INPP4B: variants seen among roughly 807,000 people sequenced by gnomAD.
INPP4B encodes inositol polyphosphate 4-phosphatase type II.
A neutral mutation model predicts 122.5 loss-of-function variants in INPP4B; 55 were observed. The ratio of observed to expected loss-of-function variants is 0.45; its 90% CI spans 0.36 to 0.56. INPP4B has a LOEUF of 0.56. Ranked by LOEUF, INPP4B falls within the 20% of genes least tolerant of loss-of-function variation. The probability of loss-of-function intolerance (pLI) is 0.00; values close to 1 mark genes in which losing one functional copy is unlikely to be tolerated. For synonymous variants in INPP4B, 403 were observed against 388.7 expected, an observed-to-expected ratio of 1.04 and a Z score of -0.43; for missense variants, 1,000 against 1,097.7, an observed-to-expected ratio of 0.91 and a Z score of 1.26.
At chr4:142,758,012 C>G (rs554686907) in intron 1 of INPP4B, among the ~76,000 whole-genome samples, 263 of 152,272 alleles carry the variant, frequency 1.7e-3, no homozygotes, top group Non-Finnish European at 2.1e-3. Flanking sequence ...AGGCAACAGG[C>G]AGTGACACTG....
intron 1 of INPP4B, among the ~76,000 whole-genome samples, chr4:142,760,633 T>C (rs1238949455): frequency 6.6e-6 from 1 of 152,074 alleles, no homozygotes; most frequent in Non-Finnish European, 1.5e-5. Flanking sequence ...TGAGAACAGC[T>C]AATTGAAAAA....
intron 8 of INPP4B, among the ~76,000 whole-genome samples, chr4:142,311,233 A>G (rs1765405551): frequency 6.6e-6 from 1 of 152,292 alleles, no homozygotes. Flanking sequence ...GGTGGTCAAC[A>G]TGTGTTAACT....
chr4:142,672,492 C>A (rs1019853871), intron 2 of INPP4B, among the ~76,000 whole-genome samples: 3 of 152,070 alleles, frequency 2.0e-5, no homozygotes, highest in African/African-American at 7.2e-5. Flanking sequence ...TTTCAATTTG[C>A]TTTTCTTTAA....
intron 25 of INPP4B, among the ~76,000 whole-genome samples, chr4:142,063,644 T>C (rs1762095747): frequency 1.3e-5 from 2 of 152,138 alleles, no homozygotes; most frequent in South Asian, 4.1e-4. Flanking sequence ...TAAAAATATA[T>C]ACACATAAAT....
intron 2 of INPP4B, among the ~76,000 whole-genome samples, chr4:142,641,330 T>C (rs994941609): frequency 3.3e-5 from 5 of 152,148 alleles, no homozygotes; most frequent in African/African-American, 1.2e-4. Flanking sequence ...GCAGGTTTGT[T>C]ACACATATAT....
chr4:142,263,979 G>C (rs1741554644), intron 10 of INPP4B, among the ~76,000 whole-genome samples: 1 of 151,964 alleles, frequency 6.6e-6, no homozygotes, highest in South Asian at 2.1e-4. Context: ...ATAGGAGCTG[G>C]GGAGGAGGTC....
chr4:142,710,528 A>G lies in INPP4B; in HGVS notation c.-191+15311T>C, dbSNP rs372241554. ...TAAAATGTAGCATTTTTTTAAAAAGATAATAAAGAGGAGAATGGAAAATAT... is the reference window on the plus strand; with the variant it reads ...TAAAATGTAGCATTTTTTTAAAAAGGTAATAAAGAGGAGAATGGAAAATAT... On this transcript the variant is annotated intron_variant, in intron 2 of 25. Transcript: ENST00000262992. Among the ~76,000 whole-genome samples, 118 of 152,338 alleles carry G rather than the reference A, an allele frequency of 7.7e-4. 1 individual carries two copies. The highest frequency in any genetic ancestry group is 2.6e-3 in the African/African-American group (110 of 41,578).
chr4:142,251,287 G>T (rs1394115379), intron 11 of INPP4B, among the ~76,000 whole-genome samples: 1 of 151,972 alleles, frequency 6.6e-6, no homozygotes, highest in Non-Finnish European at 1.5e-5. Flanking sequence ...AGATGATTTT[G>T]GTGATAACCT....
intron 2 of INPP4B, among the ~76,000 whole-genome samples, chr4:142,627,884 G>T (rs1460060118): frequency 2.6e-5 from 4 of 151,646 alleles, no homozygotes; most frequent in African/African-American, 9.7e-5. Flanking sequence ...TCTGGTCCTG[G>T]ACTCTTTTTG....
chr4:142,257,194 C>T (rs191317796), intron 11 of INPP4B, among the ~76,000 whole-genome samples: 3,259 of 151,926 alleles, frequency 0.021, 126 homozygotes, highest in African/African-American at 0.072. Context: ...TAGGTATTGA[C>T]GGGACGTATC....
At chr4:142,539,458 A>G (rs753084914) in intron 2 of INPP4B, among the ~76,000 whole-genome samples, 5 of 152,094 alleles carry the variant, frequency 3.3e-5, no homozygotes, top group African/African-American at 4.8e-5. Context: ...AACTGACCAC[A>G]TGGTTCAATC....
At chr4:142,226,496 T>C (rs749934528) in intron 12 of INPP4B, among the ~76,000 whole-genome samples, 1 of 152,220 alleles carries the variant, frequency 6.6e-6, no homozygotes, top group Non-Finnish European at 1.5e-5. Context: ...AGAGCTAATA[T>C]TATTTGCCTA....
At chr4:142,727,820 G>A (rs1210035849) in intron 1 of INPP4B, among the ~76,000 whole-genome samples, 1 of 152,186 alleles carries the variant, frequency 6.6e-6, no homozygotes, top group Non-Finnish European at 1.5e-5. Flanking sequence ...AGAGGCTATA[G>A]TGAGCCGAGA....
intron 2 of INPP4B, among the ~76,000 whole-genome samples, chr4:142,501,877 G>A (rs1390956756): frequency 6.6e-6 from 1 of 152,124 alleles, no homozygotes; most frequent in Non-Finnish European, 1.5e-5. Context: ...CCATGAAATG[G>A]AGTAGGAATC....
chr4:142,106,652 T>TA (rs1787276724), intron 23 of INPP4B, among the ~76,000 whole-genome samples: 1 of 152,196 alleles, frequency 6.6e-6, no homozygotes. Context: ...ATCTACTTTG[T>TA]AATATATATT....
intron 2 of INPP4B, among the ~76,000 whole-genome samples, chr4:142,623,970 G>A (rs1745623901): frequency 1.3e-5 from 2 of 151,986 alleles, no homozygotes; most frequent in Admixed American, 6.6e-5. Context: ...GTCTATCATT[G>A]TTGGACATTT....
chr4:142,659,216 G>A (rs1348380467), intron 2 of INPP4B, among the ~76,000 whole-genome samples: 10 of 147,844 alleles, frequency 6.8e-5, no homozygotes, highest in South Asian at 2.2e-4. Flanking sequence ...TGGCTAACAC[G>A]GTGAAACCCC....
chr4:142,574,141 A>C (rs1733379540), intron 2 of INPP4B, among the ~76,000 whole-genome samples: 1 of 152,080 alleles, frequency 6.6e-6, no homozygotes, highest in African/African-American at 2.4e-5. Context: ...AAGACATTAC[A>C]AAATTTGGAC....
chr4:142,675,570 C>A (rs1280516489), intron 2 of INPP4B, among the ~76,000 whole-genome samples: 2 of 152,250 alleles, frequency 1.3e-5, no homozygotes, highest in Admixed American at 1.3e-4. Flanking sequence ...GCCAATATCC[C>A]TGATGAACAT....
Sources: gnomAD v4.1 joint callset for allele counts (sites outside exome capture counted in the v4.1 genomes callset) on GRCh38, gnomAD v4.1.1 for gene constraint, MANE v1.5 for transcripts, NCBI Gene and HGNC (gene_info 2026-07-23, HGNC 2026-07-21) for gene names.